Variants in BMERB1 observed in about 807,000 individuals in gnomAD.
BMERB1 encodes bMERB domain containing 1, also known as bMERB domain-containing protein 1.
In BMERB1, 12 loss-of-function variants were observed where a neutral mutation model predicts 23.6. The ratio of observed to expected loss-of-function variants is 0.51; its 90% CI spans 0.33 to 0.82. The LOEUF is 0.82. Among genes scored for constraint, BMERB1 ranks in the 40% least tolerant of loss-of-function variants. The pLI, the probability that BMERB1 is intolerant of heterozygous loss-of-function variation, is 0.03. For missense variants in BMERB1, 247 were observed against 255.4 expected (o/e 0.97, Z 0.22); for synonymous variants, 122 against 96.6 (o/e 1.26, Z -1.54).
At chr16:15,541,341 C>A (rs960921448) in intron 2 of BMERB1, among the ~76,000 whole-genome samples, 5 of 151,370 alleles carry the variant, frequency 3.3e-5, no homozygotes, top group Non-Finnish European at 7.4e-5. Flanking sequence ...TCTCACTGTT[C>A]AAGAGCTTTT....
intron 2 of BMERB1, among the ~76,000 whole-genome samples, chr16:15,541,206 A>G (rs891066484): frequency 1.3e-5 from 2 of 152,024 alleles, no homozygotes; most frequent in African/African-American, 4.8e-5. Context: ...GGAATAGCCA[A>G]ATGGAAGAGA....
chr16:15,526,819 G>C (rs763587745), intron 2 of BMERB1, among the ~76,000 whole-genome samples: 2 of 150,664 alleles, frequency 1.3e-5, no homozygotes, highest in Non-Finnish European at 3.0e-5. Context: ...ACACGGGGCC[G>C]TCTAAAAGTC....
chr16:15,488,982 C>CT (rs1320292645), intron 1 of BMERB1, among the ~76,000 whole-genome samples: 5 of 150,732 alleles, frequency 3.3e-5, no homozygotes, highest in African/African-American at 1.2e-4. Context: ...AGTCCAAAGT[C>CT]TATCTGTTTA....
intron 1 of BMERB1, among the ~76,000 whole-genome samples, chr16:15,495,018 G>A (rs1274398974): frequency 6.6e-6 from 1 of 150,434 alleles, no homozygotes; most frequent in Non-Finnish European, 1.5e-5. Flanking sequence ...AGAGTAGCTG[G>A]GATTACAGGC....
At chr16:15,554,896 G>C (rs2030208973) in intron 2 of BMERB1, among the ~76,000 whole-genome samples, 1 of 152,026 alleles carries the variant, frequency 6.6e-6, no homozygotes. Context: ...TCGATCTCCT[G>C]ACCTTGTGAT....
chr16:15,494,246 A>G (rs1344919397), intron 1 of BMERB1, among the ~76,000 whole-genome samples: 2 of 152,270 alleles, frequency 1.3e-5, no homozygotes, highest in African/African-American at 2.4e-5. Context: ...AATTTCCACA[A>G]TTTTAATTCC....
intron 2 of BMERB1, among the ~76,000 whole-genome samples, chr16:15,557,896 T>G (rs1200262015): frequency 6.6e-6 from 1 of 152,036 alleles, no homozygotes; most frequent in Non-Finnish European, 1.5e-5. Context: ...AATACAAAAA[T>G]TAGCCAGGCT....
chr16:15,562,609 G>A (rs1270834380), intron 2 of BMERB1, among the ~76,000 whole-genome samples: 1 of 152,092 alleles, frequency 6.6e-6, no homozygotes, highest in Non-Finnish European at 1.5e-5. Context: ...GTTTAGCAGT[G>A]TCCCTGGTCT....
chr16:15,521,875 C>A (rs891237819), intron 2 of BMERB1, among the ~76,000 whole-genome samples: 2 of 152,124 alleles, frequency 1.3e-5, no homozygotes, highest in South Asian at 2.1e-4. Context: ...CACTGCTACC[C>A]CATCTCCCTA....
At chr16:15,572,242 C>CA (rs1011515301) in intron 3 of BMERB1, among the ~76,000 whole-genome samples, 3 of 152,116 alleles carry the variant, frequency 2.0e-5, no homozygotes, top group African/African-American at 7.2e-5. Flanking sequence ...AATACTACCC[C>CA]CCGCATGGTT....
chr16:15,453,185 A>G (rs62039106), intron 1 of BMERB1, among the ~76,000 whole-genome samples: 11 of 152,108 alleles, frequency 7.2e-5, no homozygotes, highest in Non-Finnish European at 1.3e-4. Context: ...AACAACAACA[A>G]CAAAGAAAAA....
chr16:15,495,509 G>T (rs1429638430), intron 1 of BMERB1, among the ~76,000 whole-genome samples: 3 of 152,138 alleles, frequency 2.0e-5, no homozygotes, highest in South Asian at 2.1e-4. Flanking sequence ...GGGACTACAG[G>T]CATCTGCCAC....
chr16:15,569,732 C>T (rs979447802), intron 3 of BMERB1, among the ~76,000 whole-genome samples: 2 of 152,048 alleles, frequency 1.3e-5, no homozygotes, highest in Non-Finnish European at 2.9e-5. Flanking sequence ...AAATGCAAAA[C>T]CTAAAGAGAT....
At chr16:15,527,036 T>C (rs2051915801) in intron 2 of BMERB1, among the ~76,000 whole-genome samples, 1 of 151,108 alleles carries the variant, frequency 6.6e-6, no homozygotes, top group South Asian at 2.1e-4. Flanking sequence ...TGCACACTTA[T>C]ATGTAGTTTG....
intron 1 of BMERB1, among the ~76,000 whole-genome samples, chr16:15,459,521 CTAGAGACAAA>C (rs2051117935): frequency 1.3e-5 from 2 of 152,008 alleles, no homozygotes; most frequent in African/African-American, 2.4e-5. Context: ...AAAAATGTTA[CTAGAGACAAA>C]GAGGGACATT....
At chr16:15,496,664 G>A (rs1663836392) in intron 1 of BMERB1, among the ~76,000 whole-genome samples, 2 of 151,490 alleles carry the variant, frequency 1.3e-5, no homozygotes, top group African/African-American at 4.9e-5. Context: ...TCAGCCTCCC[G>A]AGTAGCTGGG....
At chr16:15,525,798 G>A (rs2051899976) in intron 2 of BMERB1, among the ~76,000 whole-genome samples, 1 of 152,062 alleles carries the variant, frequency 6.6e-6, no homozygotes, top group Non-Finnish European at 1.5e-5. Context: ...GGAGAACCCT[G>A]ACTGATAGAG....
chr16:15,558,230 A>G (rs146623647), intron 2 of BMERB1, among the ~76,000 whole-genome samples: 2 of 152,186 alleles, frequency 1.3e-5, no homozygotes, highest in African/African-American at 4.8e-5. Flanking sequence ...GATTTGGCAA[A>G]AGAAAAGAAT....
At chr16:15,529,982 C>T (rs1203586117) in intron 2 of BMERB1, among the ~76,000 whole-genome samples, 1 of 152,164 alleles carries the variant, frequency 6.6e-6, no homozygotes, top group Non-Finnish European at 1.5e-5. Flanking sequence ...TTGGCAGAGC[C>T]GTGCTTTCTG....
Sources: allele counts gnomAD v4.1 joint callset (sites outside exome capture counted in the v4.1 genomes callset), GRCh38; gene constraint gnomAD v4.1.1; transcripts MANE v1.5; gene names NCBI Gene and HGNC (gene_info 2026-07-23, HGNC 2026-07-21).